MAN1A1: variants seen among roughly 807,000 people sequenced by gnomAD.
MAN1A1 encodes mannosidase alpha class 1A member 1.
In MAN1A1, 29 loss-of-function variants were observed where a neutral mutation model predicts 70.8. The ratio of observed to expected loss-of-function variants is 0.41; its 90% CI spans 0.31 to 0.56. MAN1A1 has a LOEUF of 0.56. Ranked by LOEUF, MAN1A1 falls within the 20% of genes least tolerant of loss-of-function variation. The probability of loss-of-function intolerance (pLI) is 0.29; values close to 1 mark genes in which losing one functional copy is unlikely to be tolerated. For missense variants in MAN1A1, 747 were observed against 841.3 expected (o/e 0.89, Z 1.39); for synonymous variants, 349 against 330.1 (o/e 1.06, Z -0.62).
At chr6:119,181,823 T>C (rs1773160982) in intron 11 of MAN1A1, among the ~76,000 whole-genome samples, 3 of 152,238 alleles carry the variant, frequency 2.0e-5, no homozygotes, top group African/African-American at 4.8e-5. Flanking sequence ...TCTGTGGATA[T>C]ACACCATCTT....
At position 119,349,700 on chromosome 6, in the gene MAN1A1, C is replaced by G. The variant is rs1209560938; in HGVS notation, c.-381G>C. 3 of 985,726 alleles carry G rather than the reference C, an allele frequency of 3.0e-6. No homozygotes were observed. Among genetic ancestry groups the G allele is most frequent in the Non-Finnish European group, 3.6e-6 (3 of 830,066 alleles). The allele number at this position is 985,726 out of a possible 1,614,324, so 61.1% of individuals were successfully genotyped here. The stretch of plus-strand genomic sequence containing the variant: ...GGCTCAGGTGGGCGAGCGCGCCGAC[C>G]TGCGGGCGAATGGCAGCGAGTAGAG... On this transcript the variant is annotated 5_prime_UTR_variant, in exon 1 of 13. Coordinates refer to ENST00000368468, the MANE Select transcript of MAN1A1 (RefSeq NM_005907.4).
chr6:119,259,484 T>G (rs936242399), intron 5 of MAN1A1, among the ~76,000 whole-genome samples: 1 of 152,220 alleles, frequency 6.6e-6, no homozygotes, highest in Non-Finnish European at 1.5e-5. Context: ...AAGCTACTCA[T>G]TTTTTCATTC....
At chr6:119,262,468 A>T (rs890947406) in intron 5 of MAN1A1, among the ~76,000 whole-genome samples, 4 of 152,050 alleles carry the variant, frequency 2.6e-5, no homozygotes, top group Non-Finnish European at 5.9e-5. Flanking sequence ...AAAAAAAAAA[A>T]TAAATAAATA....
intron 6 of MAN1A1, among the ~76,000 whole-genome samples, chr6:119,212,099 C>G (rs1774070560): frequency 6.6e-6 from 1 of 151,568 alleles, no homozygotes; most frequent in Non-Finnish European, 1.5e-5. Flanking sequence ...CTCAGCCTCC[C>G]AAAGTGCTGG....
At chr6:119,204,721 T>C (rs764990395) in intron 7 of MAN1A1, 38 bp downstream of exon 7, 4 of 1,611,244 alleles carry the variant, frequency 2.5e-6, no homozygotes, top group Non-Finnish European at 3.4e-6. Context: ...TTCTCATAAG[T>C]GTTGCTTTGC....
At chr6:119,235,351 C>T (rs138130653) in intron 6 of MAN1A1, among the ~76,000 whole-genome samples, 154 of 152,260 alleles carry the variant, frequency 1.0e-3, no homozygotes, top group East Asian at 5.2e-3. Flanking sequence ...ATGATAAGAA[C>T]GCAAAACAGC....
intron 4 of MAN1A1, among the ~76,000 whole-genome samples, chr6:119,297,935 C>A (rs1772267860): frequency 1.3e-5 from 2 of 151,776 alleles, no homozygotes; most frequent in South Asian, 4.2e-4. Context: ...CAGGTGTGAG[C>A]CACCACGCCT....
chr6:119,259,416 A>G (rs1353349474), intron 5 of MAN1A1, among the ~76,000 whole-genome samples: 2 of 152,226 alleles, frequency 1.3e-5, no homozygotes, highest in South Asian at 2.1e-4. Flanking sequence ...GCAAATTTAC[A>G]AAGTCAACTG....
intron 7 of MAN1A1, 62 bp from the exon 8 acceptor site, chr6:119,201,409 T>C: frequency 9.2e-7 from 1 of 1,085,988 alleles, no homozygotes; most frequent in East Asian, 2.4e-5. Flanking sequence ...GCCATTCTTC[T>C]TCTTCTTGAA....
At position 119,289,994 on chromosome 6, in the gene MAN1A1, C is replaced by T. The variant is rs551446915; in HGVS notation, c.897+689G>A. 3.3e-5 allele frequency among the ~76,000 whole-genome samples: 5 copies of T among 150,838 alleles called. No individual in the cohort carries two copies. In the East Asian group the frequency reaches 9.7e-4, roughly 29 times the overall value. ...AAAGATGAGGCCCATTCCAACAACC[C>T]TTAGTGGACACTCAAACGATATTCA... On this transcript the variant is annotated intron_variant, in intron 5 of 12. Transcript: ENST00000368468.
intron 5 of MAN1A1, among the ~76,000 whole-genome samples, chr6:119,270,077 G>T (rs1775874919): frequency 6.6e-6 from 1 of 152,120 alleles, no homozygotes. Context: ...TGGCTCCTGA[G>T]TCCTTTGACC....
intron 5 of MAN1A1, among the ~76,000 whole-genome samples, chr6:119,283,294 G>A (rs1347137940): frequency 1.3e-5 from 2 of 152,136 alleles, no homozygotes; most frequent in Non-Finnish European, 1.5e-5. Context: ...AGAATTTTCT[G>A]TTGCAGTTTT....
At chr6:119,197,432 G>A (rs1325237406) in intron 8 of MAN1A1, among the ~76,000 whole-genome samples, 1 of 152,164 alleles carries the variant, frequency 6.6e-6, no homozygotes, top group Admixed American at 6.5e-5. Flanking sequence ...TAGTAAATAT[G>A]ACTAAGACAT....
intron 10 of MAN1A1, 127 bp downstream of exon 10, chr6:119,189,537 A>G: frequency 1.2e-6 from 1 of 802,318 alleles, no homozygotes. Context: ...CATTCCTTTG[A>G]GACATTAATC....
chr6:119,256,506 T>C (rs1777120315), intron 5 of MAN1A1, among the ~76,000 whole-genome samples: 1 of 148,808 alleles, frequency 6.7e-6, no homozygotes, highest in Admixed American at 6.8e-5. Context: ...AGATGAAAAA[T>C]GGGGAATGCT....
At chr6:119,334,291 C>T (rs1773396081) in intron 2 of MAN1A1, among the ~76,000 whole-genome samples, 1 of 152,120 alleles carries the variant, frequency 6.6e-6, no homozygotes, top group Non-Finnish European at 1.5e-5. Context: ...CCCAAATATC[C>T]TCGTGCCCAA....
chr6:119,329,661 G>A (rs1409108257), intron 2 of MAN1A1, among the ~76,000 whole-genome samples: 5 of 152,128 alleles, frequency 3.3e-5, no homozygotes, highest in Non-Finnish European at 7.4e-5. Flanking sequence ...GCCAGCTGCC[G>A]GCTCCAACTG....
intron 2 of MAN1A1, among the ~76,000 whole-genome samples, chr6:119,341,651 C>G (rs1157201588): frequency 6.6e-6 from 1 of 152,184 alleles, no homozygotes; most frequent in Non-Finnish European, 1.5e-5. Context: ...ACTTTGACTA[C>G]TAAGTGATGG....
chr6:119,290,644 A>T, intron 5 of MAN1A1, 39 bp downstream of exon 5: 1 of 1,431,314 alleles, frequency 7.0e-7, no homozygotes, highest in Non-Finnish European at 9.7e-7. Context: ...AGTTTAAGAC[A>T]CTTTATAATT....
Sources: gnomAD v4.1 joint callset for allele counts (sites outside exome capture counted in the v4.1 genomes callset) on GRCh38, gnomAD v4.1.1 for gene constraint, MANE v1.5 for transcripts, NCBI Gene and HGNC (gene_info 2026-07-23, HGNC 2026-07-21) for gene names.